HACD2: variants seen among roughly 807,000 people sequenced by gnomAD.
HACD2 encodes the protein very-long-chain (3R)-3-hydroxyacyl-CoA dehydratase 2.
HACD2 carries 15 observed loss-of-function variants against 31.0 expected under a neutral mutation model. The ratio of observed to expected loss-of-function variants is 0.48; its 90% CI spans 0.32 to 0.75. The LOEUF (loss-of-function observed/expected upper bound fraction) is 0.75. Ranked by LOEUF, HACD2 falls within the 30% of genes least tolerant of loss-of-function variation. HACD2 has a pLI of 0.03. For synonymous variants in HACD2, 115 were observed against 122.2 expected, an observed-to-expected ratio of 0.94 and a Z score of 0.39; for missense variants, 283 against 313.0, an observed-to-expected ratio of 0.90 and a Z score of 0.72.
At chr3:123,504,851 TATAG>T (rs1256253657) in intron 4 of HACD2, among the ~76,000 whole-genome samples, 4 of 150,204 alleles carry the variant, frequency 2.7e-5, no homozygotes, top group African/African-American at 9.8e-5. Flanking sequence ...TTATGTGATT[TATAG>T]ATAATTATAC....
rs190229359 is a variant in HACD2, at chr3:123,500,049, A to C, written c.682+466T>G. Among the ~76,000 whole-genome samples the C allele has an allele frequency of 3.9e-5, 6 of 152,354 alleles. No homozygotes were observed. The East Asian group carries it at 1.2e-3, about 29-fold the overall frequency. ...TTTAGAAAAAAATAAATCTATTATTATTTTGTTATGTTTCTAGTTAACTAC... is the reference window on the plus strand; with the variant it reads ...TTTAGAAAAAAATAAATCTATTATTCTTTTGTTATGTTTCTAGTTAACTAC... On this transcript the variant is annotated intron_variant, in intron 6 of 6. Coordinates refer to ENST00000383657, the MANE Select transcript of HACD2 (RefSeq NM_198402.5).
intron 3 of HACD2, among the ~76,000 whole-genome samples, chr3:123,538,516 T>C (rs564740950): frequency 4.9e-4 from 75 of 152,284 alleles, no homozygotes; most frequent in Non-Finnish European, 8.7e-4. Flanking sequence ...GTAAGAAGTG[T>C]GGGGCTAGAT....
chr3:123,515,991 C>G (rs1200335069), intron 4 of HACD2, among the ~76,000 whole-genome samples: 1 of 152,116 alleles, frequency 6.6e-6, no homozygotes, highest in Non-Finnish European at 1.5e-5. Context: ...AACTCCTGAT[C>G]TTAAGTGATC....
intron 3 of HACD2, among the ~76,000 whole-genome samples, chr3:123,557,483 A>T (rs1450366534): frequency 1.3e-5 from 2 of 152,042 alleles, no homozygotes; most frequent in African/African-American, 4.8e-5. Context: ...ACAAAAAATT[A>T]AAAAAATTAG....
At position 123,532,404 on chromosome 3, in the gene HACD2, C is replaced by T. The variant is rs542740949; in HGVS notation, c.293-3930G>A. ...TCTCGAAATGCCTGCTCTACTGGAC[C>T]AGTCAAAAGGCCAAGAGCTCTATCC... On this transcript the variant is annotated intron_variant, in intron 3 of 6. Transcript: ENST00000383657. Among the ~76,000 whole-genome samples the T allele has an allele frequency of 2.0e-5, 3 of 152,256 alleles. No individual in the cohort carries two copies. The East Asian group carries it at 5.8e-4, about 29-fold the overall frequency.
intron 4 of HACD2, among the ~76,000 whole-genome samples, chr3:123,526,572 G>A (rs1370698956): frequency 1.3e-5 from 2 of 150,242 alleles, no homozygotes; most frequent in African/African-American, 4.9e-5. Flanking sequence ...ATATGTTAAT[G>A]TTAGCAGAAA....
intron 3 of HACD2, among the ~76,000 whole-genome samples, chr3:123,547,249 T>A (rs1027753904): frequency 3.3e-5 from 5 of 152,152 alleles, no homozygotes; most frequent in African/African-American, 1.2e-4. Context: ...AAGGAAAAAA[T>A]TTCCACCCAT....
rs1386170869 is a variant in HACD2, at chr3:123,584,902, CA to C, written c.125del (p.Leu42ArgfsTer7). 2 of 1,526,468 alleles carry C rather than the reference CA, an allele frequency of 1.3e-6. No homozygotes were observed. Among genetic ancestry groups the C allele is most frequent in the Non-Finnish European group, 1.8e-6 (2 of 1,136,850 alleles). 94.6% of individuals were successfully genotyped at this position (1,526,468 alleles called of 1,614,324 possible). ...KGPGPLATAY[L>X]VIYNVVMTAG... is the part of the protein sequence containing the mutation. ...CTGTCATCACCACATTGTAGATGACCAGGTACGCCGTGGCCAGGGGCCCCGG... is the reference window on the plus strand; with the variant it reads ...CTGTCATCACCACATTGTAGATGACCGGTACGCCGTGGCCAGGGGCCCCGG... On this transcript the variant is annotated frameshift_variant, in exon 1 of 7. Coordinates refer to ENST00000383657, the MANE Select transcript of HACD2 (RefSeq NM_198402.5). LOFTEE classifies it high-confidence loss of function.
At chr3:123,552,441 A>G (rs1362883113) in intron 3 of HACD2, among the ~76,000 whole-genome samples, 1 of 152,210 alleles carries the variant, frequency 6.6e-6, no homozygotes, top group Non-Finnish European at 1.5e-5. Context: ...AAGAGACTAT[A>G]CTTCACTGCA....
chr3:123,536,749 C>T (rs1020522987), intron 3 of HACD2, among the ~76,000 whole-genome samples: 1 of 152,180 alleles, frequency 6.6e-6, no homozygotes, highest in Non-Finnish European at 1.5e-5. Context: ...TGAGTTTAGA[C>T]TTCTCCATAG....
intron 3 of HACD2, among the ~76,000 whole-genome samples, chr3:123,560,501 T>C (rs891981702): frequency 6.6e-6 from 1 of 152,188 alleles, no homozygotes; most frequent in African/African-American, 2.4e-5. Flanking sequence ...ACAGGCTAGC[T>C]GCCTGGCTAG....
chr3:123,496,775 G>A (rs1202002781), intron 6 of HACD2, among the ~76,000 whole-genome samples: 2 of 152,194 alleles, frequency 1.3e-5, no homozygotes, highest in Non-Finnish European at 2.9e-5. Context: ...CTGTGAGCTG[G>A]GCATGCACAA....
intron 2 of HACD2, among the ~76,000 whole-genome samples, chr3:123,575,184 A>G (rs1489093272): frequency 6.6e-6 from 1 of 151,022 alleles, no homozygotes; most frequent in Non-Finnish European, 1.5e-5. Context: ...ACCATAACTT[A>G]CTTCAGCCTG....
intron 3 of HACD2, among the ~76,000 whole-genome samples, chr3:123,557,869 C>T (rs570587321): frequency 6.6e-6 from 1 of 152,322 alleles, no homozygotes; most frequent in South Asian, 2.1e-4. Flanking sequence ...GACTGTTTGG[C>T]AGATTCTTAC....
chr3:123,506,936 A>C (rs2055983531), intron 4 of HACD2, among the ~76,000 whole-genome samples: 1 of 152,216 alleles, frequency 6.6e-6, no homozygotes, highest in South Asian at 2.1e-4. Flanking sequence ...AACTAGAAAC[A>C]TATAAACATA....
chr3:123,528,171 A>G (rs1576752530), intron 4 of HACD2, among the ~76,000 whole-genome samples: 1 of 152,326 alleles, frequency 6.6e-6, no homozygotes, highest in South Asian at 2.1e-4. Flanking sequence ...GGACTTTACC[A>G]TTTAATCAGT....
chr3:123,552,524 G>A (rs1191815891), intron 3 of HACD2, among the ~76,000 whole-genome samples: 1 of 152,074 alleles, frequency 6.6e-6, no homozygotes, highest in Admixed American at 6.6e-5. Context: ...TCTACAAAAG[G>A]AGCAGATGCA....
intron 2 of HACD2, among the ~76,000 whole-genome samples, chr3:123,568,927 C>T (rs982222936): frequency 8.5e-5 from 13 of 152,108 alleles, no homozygotes; most frequent in African/African-American, 3.1e-4. Context: ...ATGGTCAGGA[C>T]CAAGAACTTA....
At chr3:123,505,552 A>AGAGG (rs1455638320) in intron 4 of HACD2, among the ~76,000 whole-genome samples, 1 of 152,230 alleles carries the variant, frequency 6.6e-6, no homozygotes, top group Non-Finnish European at 1.5e-5. Context: ...CACCTTATGA[A>AGAGG]ATCAAGAGAT....
Sources: allele counts gnomAD v4.1 joint callset (sites outside exome capture counted in the v4.1 genomes callset), GRCh38; gene constraint gnomAD v4.1.1; transcripts MANE v1.5; gene names NCBI Gene and HGNC (gene_info 2026-07-23, HGNC 2026-07-21).